KATNIP: variants seen among roughly 807,000 people sequenced by gnomAD.
The protein encoded by KATNIP is katanin-interacting protein.
In KATNIP, 126 loss-of-function variants were observed where a neutral mutation model predicts 174.0. The ratio of observed to expected loss-of-function variants is 0.72; its 90% CI spans 0.63 to 0.84. KATNIP has a LOEUF of 0.84. KATNIP is among the 40% of genes least tolerant of loss of function. KATNIP has a pLI of 0.00. For missense variants in KATNIP, 1,958 were observed against 2,109.7 expected, an observed-to-expected ratio of 0.93 and a Z score of 1.41; for synonymous variants, 810 against 835.7, an observed-to-expected ratio of 0.97 and a Z score of 0.53.
At chr16:27,568,873 A>G (rs1247694758) in intron 1 of KATNIP, among the ~76,000 whole-genome samples, 1 of 152,124 alleles carries the variant, frequency 6.6e-6, no homozygotes, top group African/African-American at 2.4e-5. Context: ...CTGACCTTTC[A>G]TGCCAAGACT....
Position 27,573,915 on chromosome 16 carries a change from A to C in KATNIP, c.22A>C (p.Lys8Gln). ...AACTGCGACAGGTCAGACTCTGCGA[A>C]AGGCCGAGAGAAGCTGGTCCTGCTC... Reference protein sequence around the residue: MDGQTLRKAERSWSCSRE... With the variant: MDGQTLRQAERSWSCSRE... The change falls in exon 2 of 28, where the codon AAG becomes CAG. Residue 8 changes from lysine to glutamine, a missense_variant. This residue lies in a region of KATNIP where 1,557 missense variants were observed against 1,617.8 expected (regional missense o/e 0.96). Transcript: ENST00000261588. 6.2e-7 allele frequency: 1 copy of C among 1,614,198 alleles called. No individual in the cohort carries two copies. The highest frequency in any genetic ancestry group is 2.2e-5 in the East Asian group (1 of 44,886).
At chr16:27,576,034 G>A (rs983613595) in intron 2 of KATNIP, among the ~76,000 whole-genome samples, 1 of 152,178 alleles carries the variant, frequency 6.6e-6, no homozygotes, top group African/African-American at 2.4e-5. Flanking sequence ...CTGACCTGGG[G>A]TGAAGACCAG....
intron 12 of KATNIP, among the ~76,000 whole-genome samples, chr16:27,706,887 C>G (rs1209572600): frequency 6.6e-6 from 1 of 152,226 alleles, no homozygotes; most frequent in East Asian, 1.9e-4. Context: ...CTGGAGTCAA[C>G]TAGGCCAGTT....
chr16:27,655,362 T>C (rs1267430628), intron 6 of KATNIP, among the ~76,000 whole-genome samples: 1 of 150,814 alleles, frequency 6.6e-6, no homozygotes, highest in African/African-American at 2.4e-5. Flanking sequence ...GCCTCCCAAG[T>C]AGCTGGGGTT....
intron 1 of KATNIP, among the ~76,000 whole-genome samples, chr16:27,562,260 T>A (rs146314628): frequency 6.6e-6 from 1 of 152,176 alleles, no homozygotes; most frequent in Admixed American, 6.5e-5. Flanking sequence ...TGGTGAGCCA[T>A]GACCACACCA....
In KATNIP at chr16:27,777,686, C is replaced by A. The variant is rs560651182; in HGVS notation, c.4628C>A (p.Thr1543Lys). ...VSHLVGGILP[T>K]CEPTVPYHTI... The stretch of plus-strand genomic sequence containing the variant: ...CACCTGGTGGGGGGCATCCTGCCCA[C>A]ATGTGAGCCCACCGTGCCCTACCAC... Residue 1543 changes from threonine (T) to lysine (K), a missense_variant, in exon 26 of 28, where the codon ACA (threonine) becomes AAA (lysine). Around this residue, in one of 3 missense-constraint regions of KATNIP, gnomAD observed 383 missense variants for 456.0 expected, o/e 0.84. Transcript: ENST00000261588. This position sits in a 1 kb window ranked among gnomAD's most constrained non-coding sequence, Gnocchi z 4.4. The A allele has an allele frequency of 1.2e-6, 2 of 1,614,050 alleles. No homozygotes were observed. The highest frequency in any genetic ancestry group is 2.2e-5 in the South Asian group (2 of 91,066).
At chr16:27,630,126 G>C (rs1272017628) in intron 4 of KATNIP, among the ~76,000 whole-genome samples, 3 of 152,240 alleles carry the variant, frequency 2.0e-5, no homozygotes, top group Non-Finnish European at 2.9e-5. Context: ...GGAGAGGCCA[G>C]TGTGCTACCA....
chr16:27,599,584 G>A (rs2075448119), intron 2 of KATNIP, among the ~76,000 whole-genome samples: 1 of 152,134 alleles, frequency 6.6e-6, no homozygotes, highest in African/African-American at 2.4e-5. Flanking sequence ...TTTCCAGCCT[G>A]TCACCAAGTC....
At chr16:27,616,905 A>T (rs2076056130) in intron 2 of KATNIP, among the ~76,000 whole-genome samples, 1 of 148,986 alleles carries the variant, frequency 6.7e-6, no homozygotes, top group African/African-American at 2.5e-5. Context: ...AAAAAAAAAA[A>T]AAAAAAAAAA....
chr16:27,585,568 C>A (rs1029650997), intron 2 of KATNIP, among the ~76,000 whole-genome samples: 2 of 152,174 alleles, frequency 1.3e-5, no homozygotes, highest in South Asian at 4.1e-4. Flanking sequence ...TACACACACA[C>A]AATGGAGTCC....
intron 13 of KATNIP, among the ~76,000 whole-genome samples, chr16:27,711,940 T>C (rs1364515842): frequency 6.6e-6 from 1 of 152,140 alleles, no homozygotes; most frequent in East Asian, 1.9e-4. Context: ...TTCAAGTCTA[T>C]AGGCTCCCAT....
chr16:27,749,663 C>A lies in KATNIP; in HGVS notation c.2703C>A (p.Ser901Arg), dbSNP rs751454084. The A allele has an allele frequency of 8.1e-6, 13 of 1,608,300 alleles. No individual in the cohort carries two copies. Among genetic ancestry groups the A allele is most frequent in the Non-Finnish European group, 1.1e-5 (13 of 1,177,000 alleles). ...AGCACACACTTCACGAGTCATGGAG[C>A]TCCCTCAGTGCCTTCGACCGCTCCC... is the stretch of plus-strand genomic sequence containing the variant. The part of the protein sequence containing the change: ...EQEHTLHESW[S>R]SLSAFDRSHR... The change falls in exon 16 of 28, where the codon AGC becomes AGA. Residue 901 changes from serine (S) to arginine (R), a missense_variant. Transcript: ENST00000261588.
At chr16:27,577,815 A>G (rs1375089749) in intron 2 of KATNIP, among the ~76,000 whole-genome samples, 3 of 151,970 alleles carry the variant, frequency 2.0e-5, no homozygotes, top group African/African-American at 4.8e-5. Context: ...CGAGGCTGCA[A>G]TAGGCTATGA....
chr16:27,659,464 C>T (rs1003908335), intron 6 of KATNIP, among the ~76,000 whole-genome samples: 3 of 151,144 alleles, frequency 2.0e-5, no homozygotes, highest in East Asian at 3.9e-4. Flanking sequence ...AAGCCATGAT[C>T]GCACCACTAC....
chr16:27,741,328 T>C (rs1214870989), intron 15 of KATNIP, among the ~76,000 whole-genome samples: 4 of 152,120 alleles, frequency 2.6e-5, no homozygotes, highest in Non-Finnish European at 5.9e-5. Context: ...ATCCCAGCAC[T>C]TTGGGAGGCT....
chr16:27,588,783 TTTACCCTCAA>T (rs1457058338), intron 2 of KATNIP, among the ~76,000 whole-genome samples: 3 of 152,076 alleles, frequency 2.0e-5, no homozygotes, highest in Admixed American at 2.0e-4. Context: ...GCCTGTCAAA[TTTACCCTCAA>T]TCTCATTCCC....
In KATNIP at chr16:27,777,010, G is replaced by A. The variant is rs1471679905; in HGVS notation, c.4532G>A (p.Arg1511Gln). 2.2e-5 allele frequency: 35 copies of A among 1,611,118 alleles called. No homozygotes were observed. The highest frequency in any genetic ancestry group is 1.5e-4 in the Admixed American group (9 of 60,004). The change falls in exon 25 of 28, where the codon CGA (arginine) becomes CAA (glutamine). Residue 1511 changes from arginine (R) to glutamine (Q), a missense_variant. Around this residue, in one of 3 missense-constraint regions of KATNIP, gnomAD observed 383 missense variants for 456.0 expected, o/e 0.84. Transcript: ENST00000261588. This position sits in a 1 kb window ranked among gnomAD's most constrained non-coding sequence, Gnocchi z 4.4. ...KLWNYAKTPH[R>Q]GVKEFGLLVD... Reference sequence around the variant, plus strand: ...TGGAATTATGCGAAAACACCCCATCGAGGGGTGAAGGAGTTTGGCGTAAGT... The same window carrying A: ...TGGAATTATGCGAAAACACCCCATCAAGGGGTGAAGGAGTTTGGCGTAAGT...
At chr16:27,551,737 C>A (rs919886873) in intron 1 of KATNIP, among the ~76,000 whole-genome samples, 2 of 151,426 alleles carry the variant, frequency 1.3e-5, no homozygotes, top group Admixed American at 1.3e-4. Context: ...CTTAGCCGGA[C>A]GTGGTGACAC....
intron 2 of KATNIP, among the ~76,000 whole-genome samples, chr16:27,617,986 C>A (rs913265403): frequency 6.6e-6 from 1 of 152,150 alleles, no homozygotes; most frequent in Admixed American, 6.6e-5. Context: ...AATCCTCTCG[C>A]CTCAGCCTCC....
Sources: allele counts gnomAD v4.1 joint callset (sites outside exome capture counted in the v4.1 genomes callset), GRCh38; gene constraint gnomAD v4.1.1; regional missense constraint gnomAD v4.1.1; non-coding constraint Gnocchi (gnomAD v3.1); transcripts MANE v1.5; gene names NCBI Gene and HGNC (gene_info 2026-07-23, HGNC 2026-07-21).